GNG12: variants seen among roughly 807,000 people sequenced by gnomAD.
The protein encoded by GNG12 is G protein subunit gamma 12, also known as guanine nucleotide-binding protein G(I)/G(S)/G(O) subunit gamma-12.
For missense variants in GNG12, 69 were observed against 83.8 expected (o/e 0.82, Z 0.69); for synonymous variants, 28 against 29.7 (o/e 0.94, Z 0.19).
intron 2 of GNG12, among the ~76,000 whole-genome samples, chr1:67,776,019 G>A (rs1646703319): frequency 6.6e-6 from 1 of 152,130 alleles, no homozygotes; most frequent in Non-Finnish European, 1.5e-5. Context: ...GGCTGGTGTA[G>A]GGGATGGCAG....
chr1:67,772,254 T>C (rs56121541), intron 2 of GNG12, among the ~76,000 whole-genome samples: 12,564 of 151,830 alleles, frequency 0.083, 640 homozygotes, highest in African/African-American at 0.12. Context: ...TAAGAACTAC[T>C]CCTGTAGATC....
chr1:67,824,275 T>A (rs1646999177), intron 1 of GNG12, among the ~76,000 whole-genome samples: 1 of 151,984 alleles, frequency 6.6e-6, no homozygotes, highest in Non-Finnish European at 1.5e-5. Flanking sequence ...TTTGGGAGGC[T>A]GAGGCTGGCA....
chr1:67,758,837 A>G (rs1442423891), intron 2 of GNG12, among the ~76,000 whole-genome samples: 2 of 152,192 alleles, frequency 1.3e-5, no homozygotes, highest in Non-Finnish European at 2.9e-5. Context: ...GAGCTAAAAA[A>G]GTAGACCTCA....
Position 67,809,185 on chromosome 1 carries a change from G to A in GNG12, c.-77+24159C>T, listed in dbSNP as rs184147438. ...AAGGTAATACAGTGGAGCAAAAATA[G>A]TATTTTCAACAAATAGTGCCAGAAC... On this transcript the variant is annotated intron_variant, in intron 1 of 3. Transcript: ENST00000370982. 3.3e-3 allele frequency among the ~76,000 whole-genome samples: 501 copies of A among 152,222 alleles called. 2 individuals carry two copies. The highest frequency in any genetic ancestry group is 0.014 in the Middle Eastern group (4 of 294).
At chr1:67,787,343 A>T (rs1373681592) in intron 1 of GNG12, among the ~76,000 whole-genome samples, 2 of 152,082 alleles carry the variant, frequency 1.3e-5, no homozygotes. Context: ...CCTGAGAGGA[A>T]GTGAGTCCCT....
At chr1:67,713,331 C>A (rs1646307190) in intron 2 of GNG12, among the ~76,000 whole-genome samples, 1 of 152,208 alleles carries the variant, frequency 6.6e-6, no homozygotes, top group Non-Finnish European at 1.5e-5. Flanking sequence ...TTTGAATAAA[C>A]ACATGTAGTA....
At position 67,735,841 on chromosome 1, in the gene GNG12, CA is replaced by C. The variant is rs199710263; in HGVS notation, c.-26-28130del. ...AATATTATTCTAAAGAAGGAAAAAA[CA>C]AGGGAAAATATTTTTTTAAAAATAG... On this transcript the variant is annotated intron_variant, in intron 2 of 3. Coordinates refer to ENST00000370982, the MANE Select transcript of GNG12 (RefSeq NM_018841.6). Among the ~76,000 whole-genome samples the C allele has an allele frequency of 9.6e-3, 1,463 of 152,086 alleles. 9 individuals are homozygous for C. The highest frequency in any genetic ancestry group is 0.017 in the Middle Eastern group (5 of 294).
intron 2 of GNG12, among the ~76,000 whole-genome samples, chr1:67,742,130 G>A (rs1324969428): frequency 2.0e-5 from 3 of 152,144 alleles, no homozygotes; most frequent in Non-Finnish European, 4.4e-5. Flanking sequence ...TACTTAGAGG[G>A]GGCATCAATT....
chr1:67,726,645 A>C (rs1646387962), intron 2 of GNG12, among the ~76,000 whole-genome samples: 1 of 152,252 alleles, frequency 6.6e-6, no homozygotes, highest in Non-Finnish European at 1.5e-5. Context: ...TATCTATTGA[A>C]TGAAAAGGTT....
At chr1:67,785,354 A>T (rs1205433806) in intron 1 of GNG12, among the ~76,000 whole-genome samples, 1 of 152,088 alleles carries the variant, frequency 6.6e-6, no homozygotes, top group Non-Finnish European at 1.5e-5. Context: ...TATTATTATT[A>T]TTTTTTACCT....
chr1:67,775,375 T>C (rs896458262), intron 2 of GNG12, among the ~76,000 whole-genome samples: 30 of 152,330 alleles, frequency 2.0e-4, no homozygotes, highest in African/African-American at 6.5e-4. Flanking sequence ...ATCAGAATCA[T>C]CAGAATTTTG....
intron 1 of GNG12, among the ~76,000 whole-genome samples, chr1:67,808,602 C>T (rs1255682481): frequency 2.0e-5 from 3 of 152,068 alleles, no homozygotes; most frequent in Non-Finnish European, 4.4e-5. Flanking sequence ...AATAGCAAGG[C>T]TGTAAAATAC....
At chr1:67,757,021 T>C (rs908127288) in intron 2 of GNG12, among the ~76,000 whole-genome samples, 2 of 152,238 alleles carry the variant, frequency 1.3e-5, no homozygotes, top group African/African-American at 4.8e-5. Flanking sequence ...TTAAGTTGAG[T>C]ATCCCTTATT....
Position 67,795,406 on chromosome 1 carries a change from G to T in GNG12, c.-76-17899C>A, listed in dbSNP as rs72924715. On this transcript the variant is annotated intron_variant, in intron 1 of 3. Coordinates refer to ENST00000370982, the MANE Select transcript of GNG12 (RefSeq NM_018841.6). ...CTCTGCAGGCTGCTGTCTGAACTGC[G>T]AGTCAGAGACCTTTTCTATCTTGCT... Among the ~76,000 whole-genome samples the T allele has an allele frequency of 2.9e-3, 449 of 152,240 alleles. 2 individuals are homozygous for T. The highest frequency in any genetic ancestry group is 0.017 in the Middle Eastern group (5 of 292).
chr1:67,722,685 G>A (rs1646362841), intron 2 of GNG12, among the ~76,000 whole-genome samples: 1 of 152,168 alleles, frequency 6.6e-6, no homozygotes. Context: ...TTTCTCATGT[G>A]GAATGGGAGC....
intron 1 of GNG12, among the ~76,000 whole-genome samples, chr1:67,812,799 T>C (rs1205471229): frequency 2.0e-5 from 3 of 152,238 alleles, no homozygotes; most frequent in African/African-American, 7.2e-5. Flanking sequence ...ATATTTCATA[T>C]GCTCAAGAGG....
At chr1:67,810,061 C>T (rs1318298537) in intron 1 of GNG12, among the ~76,000 whole-genome samples, 2 of 152,094 alleles carry the variant, frequency 1.3e-5, no homozygotes. Context: ...TTGATACATC[C>T]ATACAATAGA....
chr1:67,726,903 A>G (rs1442273711), intron 2 of GNG12, among the ~76,000 whole-genome samples: 1 of 151,782 alleles, frequency 6.6e-6, no homozygotes, highest in African/African-American at 2.4e-5. Context: ...GCTACCCACT[A>G]CCTTTGGTTT....
At chr1:67,736,878 C>A (rs1292179592) in intron 2 of GNG12, among the ~76,000 whole-genome samples, 2 of 152,184 alleles carry the variant, frequency 1.3e-5, no homozygotes, top group Non-Finnish European at 2.9e-5. Flanking sequence ...CTCATTTGTG[C>A]AAGCACCAAA....
Sources: allele counts gnomAD v4.1 joint callset (sites outside exome capture counted in the v4.1 genomes callset), GRCh38; gene constraint gnomAD v4.1.1; transcripts MANE v1.5; gene names NCBI Gene and HGNC (gene_info 2026-07-23, HGNC 2026-07-21).